NAP1L1: variants seen among roughly 807,000 people sequenced by gnomAD.
NAP1L1 encodes the protein nucleosome assembly protein 1-like 1.
A neutral mutation model predicts 58.9 loss-of-function variants in NAP1L1; 9 were observed. The ratio of observed to expected loss-of-function variants is 0.15; its 90% confidence interval spans 0.09 to 0.27. NAP1L1 has a LOEUF of 0.27. NAP1L1 is among the 10% of genes least tolerant of loss of function. The probability of loss-of-function intolerance (pLI) is 1.00; values close to 1 mark genes in which losing one functional copy is unlikely to be tolerated. For missense variants in NAP1L1, 302 were observed against 458.8 expected, an observed-to-expected ratio of 0.66 and a Z score of 3.12; for synonymous variants, 130 against 138.3, an observed-to-expected ratio of 0.94 and a Z score of 0.42.
intron 13 of NAP1L1, 39 bp from the exon 14 acceptor site, chr12:76,049,289 A>G: frequency 6.2e-7 from 1 of 1,612,728 alleles, no homozygotes; most frequent in South Asian, 1.1e-5. Context: ...AAGTATGTAC[A>G]TAGTAGGTAA....
At chr12:76,073,075 G>A (rs909602029) in intron 2 of NAP1L1, among the ~76,000 whole-genome samples, 2 of 151,784 alleles carry the variant, frequency 1.3e-5, no homozygotes, top group Admixed American at 6.6e-5. Context: ...ATCACTTTGG[G>A]AACCATTATT....
intron 12 of NAP1L1, among the ~76,000 whole-genome samples, chr12:76,050,269 C>G (rs1050514815): frequency 6.6e-6 from 1 of 152,080 alleles, no homozygotes; most frequent in African/African-American, 2.4e-5. Context: ...CATAATAGAT[C>G]TATAGCACTA....
intron 11 of NAP1L1, 89 bp downstream of exon 11, chr12:76,053,002 A>G: frequency 7.7e-7 from 1 of 1,290,686 alleles, no homozygotes; most frequent in Non-Finnish European, 1.1e-6. Context: ...ACTCAATGTA[A>G]CAACCATCCC....
In NAP1L1 at chr12:76,081,371, T is replaced by G. The variant is rs546209000; in HGVS notation, c.-21+3196A>C. 7.2e-4 allele frequency among the ~76,000 whole-genome samples: 110 copies of G among 152,298 alleles called. 1 individual carries two copies. Among genetic ancestry groups the G allele is most frequent in the African/African-American group, 2.6e-3 (108 of 41,562 alleles). On this transcript the variant is annotated intron_variant, in intron 1 of 14. Coordinates refer to ENST00000618691, the MANE Select transcript of NAP1L1 (RefSeq NM_004537.7). ...AAACAATGCCTGAATAATCAATCAGTGTTGCCTATTACATTATTTATCCCT... is the reference window on the plus strand; with the variant it reads ...AAACAATGCCTGAATAATCAATCAGGGTTGCCTATTACATTATTTATCCCT...
chr12:76,051,927 T>C (rs1041512210), intron 11 of NAP1L1, among the ~76,000 whole-genome samples: 13 of 152,054 alleles, frequency 8.5e-5, no homozygotes, highest in African/African-American at 2.9e-4. Flanking sequence ...GGCAGGAGAA[T>C]TGCTTGAACC....
At chr12:76,067,677 T>C in intron 3 of NAP1L1, 2 of 458,688 alleles carry the variant, frequency 4.4e-6, no homozygotes, top group East Asian at 3.2e-5. Context: ...TCCTAATCTA[T>C]CTCTAGTCAA....
At chr12:76,060,112 T>A in intron 5 of NAP1L1, 26 bp downstream of exon 5, 1 of 1,601,156 alleles carries the variant, frequency 6.2e-7, no homozygotes, top group Non-Finnish European at 8.5e-7. Context: ...GAATGTTAAA[T>A]TAAACAAAGT....
intron 4 of NAP1L1, among the ~76,000 whole-genome samples, chr12:76,060,637 C>T (rs1446155497): frequency 6.6e-6 from 1 of 151,990 alleles, no homozygotes; most frequent in South Asian, 2.1e-4. Context: ...CTCACCCATA[C>T]AAGTTATTAG....
chr12:76,081,525 G>A (rs948257310), intron 1 of NAP1L1, among the ~76,000 whole-genome samples: 2 of 152,078 alleles, frequency 1.3e-5, no homozygotes, highest in Non-Finnish European at 2.9e-5. Context: ...TTGAGGTGAG[G>A]CATTTAAGAC....
At position 76,079,500 on chromosome 12, in the gene NAP1L1, G is replaced by A. The variant is rs546726389; in HGVS notation, c.-21+5067C>T. Reference sequence around the variant, plus strand: ...ACCTCCTTAAAAAAAAATCTGTAATGTAAAAGACAGTTTCAGAATAAAACA... The same window carrying A: ...ACCTCCTTAAAAAAAAATCTGTAATATAAAAGACAGTTTCAGAATAAAACA... On this transcript the variant is annotated intron_variant, in intron 1 of 14. Transcript: ENST00000618691. Among the ~76,000 whole-genome samples the A allele has an allele frequency of 1.1e-4, 16 of 152,192 alleles. 1 individual carries two copies. In the South Asian group the frequency reaches 3.3e-3, roughly 32 times the overall value.
intron 13 of NAP1L1, 161 bp from the exon 14 acceptor site, chr12:76,049,411 A>C: frequency 1.3e-6 from 2 of 1,533,464 alleles, no homozygotes; most frequent in South Asian, 2.4e-5. Flanking sequence ...TTCTAATATG[A>C]AAAATTTCCC....
In NAP1L1 at chr12:76,040,302, T is replaced by C. The variant is rs1209016587; in HGVS notation, c.*8127A>G. ...ATGCAGTACTAGGTAACTGCAACTA[T>C]TGATATGCCTTCCCTTGACTTTAAA... On this transcript the variant is annotated 3_prime_UTR_variant, in exon 15 of 15. Transcript: ENST00000618691. 6.6e-6 allele frequency: 1 copy of C among 152,156 alleles called. No homozygotes were observed. Among genetic ancestry groups the C allele is most frequent in the African/African-American group, 2.4e-5 (1 of 41,422 alleles). The allele number at this position is 152,156 out of a possible 1,614,324, so 9.4% of individuals were successfully genotyped here.
At chr12:76,069,598 A>C (rs1949851793) in intron 2 of NAP1L1, among the ~76,000 whole-genome samples, 1 of 152,202 alleles carries the variant, frequency 6.6e-6, no homozygotes, top group Admixed American at 6.5e-5. Flanking sequence ...GCTAAAGAAA[A>C]AGGAGTTAGG....
chr12:76,066,794 C>A lies in NAP1L1; in HGVS notation c.206+577G>T, dbSNP rs562164969. On this transcript the variant is annotated intron_variant, in intron 4 of 14. Transcript: ENST00000618691. ...GGTGGCAATCCCACTGCTGAGCACA[C>A]ATCTCAAAGAAATTCTCACACAGTT... Among the ~76,000 whole-genome samples, 8 of 152,192 alleles carry A rather than the reference C, an allele frequency of 5.3e-5. No individual in the cohort carries two copies. In the East Asian group the frequency reaches 1.5e-3, roughly 29 times the overall value.
intron 1 of NAP1L1, chr12:76,084,127 G>C (rs1950516724): frequency 6.6e-6 from 1 of 152,190 alleles, no homozygotes. Flanking sequence ...CTCCCTCCTG[G>C]TATTATTTTT....
chr12:76,039,993 A>G lies in NAP1L1; in HGVS notation c.*8436T>C, dbSNP rs1459871850. ...TGTACTTAAGGGTCACCTTATACAT[A>G]CCACTTGAGGTTCCTTTACTAATCA... On this transcript the variant is annotated 3_prime_UTR_variant, in exon 15 of 15. Transcript: ENST00000618691. 1 of 152,190 alleles carries G rather than the reference A, an allele frequency of 6.6e-6. No individual in the cohort carries two copies. Among genetic ancestry groups the G allele is most frequent in the Non-Finnish European group, 1.5e-5 (1 of 68,032 alleles). 9.4% of individuals were successfully genotyped at this position (152,190 alleles called of 1,614,324 possible). A position where few individuals can be genotyped will look rare whatever the true frequency, so the allele number is the denominator to read the frequency against.
At chr12:76,077,974 C>G (rs1171647248) in intron 1 of NAP1L1, among the ~76,000 whole-genome samples, 2 of 95,030 alleles carry the variant, frequency 2.1e-5, no homozygotes, top group African/African-American at 8.1e-5. Context: ...GAGCAAGACC[C>G]TGTCTCAAAA....
chr12:76,063,382 C>T (rs1249546850), intron 4 of NAP1L1, among the ~76,000 whole-genome samples: 1 of 152,020 alleles, frequency 6.6e-6, no homozygotes, highest in East Asian at 1.9e-4. Flanking sequence ...TTGATCTATC[C>T]AATGGGAAGC....
chr12:76,072,354 AAAC>A (rs1187380732), intron 2 of NAP1L1, among the ~76,000 whole-genome samples: 3 of 151,990 alleles, frequency 2.0e-5, no homozygotes, highest in African/African-American at 4.8e-5. Context: ...TTGGAAACTA[AAAC>A]AACAGAAATT....
Sources: gnomAD v4.1 joint callset for allele counts (sites outside exome capture counted in the v4.1 genomes callset) on GRCh38, gnomAD v4.1.1 for gene constraint, MANE v1.5 for transcripts, NCBI Gene and HGNC (gene_info 2026-07-23, HGNC 2026-07-21) for gene names.